CNTLN: variants seen among roughly 807,000 people sequenced by gnomAD.
CNTLN encodes the protein centlein, centrosomal protein.
CNTLN carries 212 observed loss-of-function variants against 180.0 expected under a neutral mutation model. The ratio of observed to expected loss-of-function variants is 1.18; its 90% CI spans 1.05 to 1.32. The LOEUF is 1.32. Ranked by LOEUF, CNTLN falls within the 40% of genes most tolerant of loss-of-function variation. CNTLN has a pLI of 0.00. For synonymous variants in CNTLN, 722 were observed against 563.1 expected (o/e 1.28, Z -3.99); for missense variants, 2,095 against 1,610.9 (o/e 1.30, Z -5.14).
rs1022458719 is a variant in CNTLN, at chr9:17,196,669, A to G, written c.450-29534A>G. ...AATTAAATTAATATTTTTAATGTTT[A>G]TATATTTTATATGTAATAATACATT... On this transcript the variant is annotated intron_variant, in intron 2 of 25. Transcript: ENST00000380647. Among the ~76,000 whole-genome samples the G allele has an allele frequency of 1.3e-5, 2 of 150,844 alleles. 1 individual carries two copies. The highest frequency in any genetic ancestry group is 4.8e-5 in the African/African-American group (2 of 41,256).
chr9:17,284,676 A>G (rs1047670423), intron 6 of CNTLN, among the ~76,000 whole-genome samples: 2 of 151,924 alleles, frequency 1.3e-5, no homozygotes, highest in Non-Finnish European at 2.9e-5. Flanking sequence ...CTTGCAGTCT[A>G]TCCATTTTAT....
intron 3 of CNTLN, among the ~76,000 whole-genome samples, chr9:17,233,865 T>C (rs1218003307): frequency 6.6e-6 from 1 of 152,132 alleles, no homozygotes; most frequent in Non-Finnish European, 1.5e-5. Context: ...ATATCTGTCT[T>C]TGAACTATAA....
intron 23 of CNTLN, among the ~76,000 whole-genome samples, 156 bp downstream of exon 23, chr9:17,467,047 C>T (rs1441482215): frequency 1.3e-5 from 2 of 151,520 alleles, no homozygotes; most frequent in African/African-American, 4.8e-5. Flanking sequence ...ATAATTCCTC[C>T]ATAAAGAATT....
chr9:17,149,152 C>CT (rs959853458), intron 2 of CNTLN, among the ~76,000 whole-genome samples: 8 of 152,086 alleles, frequency 5.3e-5, no homozygotes, highest in African/African-American at 1.9e-4. Context: ...TAAACTCATC[C>CT]TTTTTTATGT....
intron 25 of CNTLN, among the ~76,000 whole-genome samples, chr9:17,489,446 T>C (rs1314224245): frequency 6.6e-6 from 1 of 152,136 alleles, no homozygotes; most frequent in African/African-American, 2.4e-5. Flanking sequence ...AAAACCTCTC[T>C]TTTATGTCCT....
chr9:17,394,052 A>G (rs942250174), intron 14 of CNTLN, among the ~76,000 whole-genome samples: 9 of 152,176 alleles, frequency 5.9e-5, no homozygotes, highest in Non-Finnish European at 1.2e-4. Context: ...GGACCACATG[A>G]CTACTAAAAT....
chr9:17,143,226 T>A (rs2131438420), intron 1 of CNTLN, 62 bp from the exon 2 acceptor site: 1 of 1,120,246 alleles, frequency 8.9e-7, no homozygotes, highest in East Asian at 2.4e-5. Flanking sequence ...AAATTTAATG[T>A]AGTATCTTAT....
the CNTLN span, among the ~76,000 whole-genome samples, chr9:17,526,754 T>C: frequency 7.1e-6 from 1 of 141,450 alleles, no homozygotes; most frequent in African/African-American, 2.5e-5. Context: ...AATTAATTAA[T>C]TTAGCTCTAG....
rs759252740 is a variant in CNTLN at position 17,135,441 on chromosome 9, G to GC, written c.360+17dup. The GC allele has an allele frequency of 1.9e-6, 3 of 1,582,894 alleles. No homozygotes were observed. The highest frequency in any genetic ancestry group is 2.6e-6 in the Non-Finnish European group (3 of 1,166,642). On this transcript the variant is annotated intron_variant, in intron 1 of 25. Coordinates refer to ENST00000380647, the MANE Select transcript of CNTLN (RefSeq NM_017738.4). ...CCTGTGTCAGGTATCGAGGAGTCTC[G>GC]CAGTCCCCCTTTCCCCACCACAGCG... is the stretch of plus-strand genomic sequence containing the variant.
chr9:17,420,381 C>G (rs1167368922), intron 18 of CNTLN, among the ~76,000 whole-genome samples: 1 of 152,112 alleles, frequency 6.6e-6, no homozygotes, highest in Non-Finnish European at 1.5e-5. Context: ...ACTAACAATG[C>G]TTTAAATTTA....
chr9:17,298,081 A>C, intron 6 of CNTLN, 109 bp from the exon 7 acceptor site: 1 of 871,574 alleles, frequency 1.1e-6, no homozygotes. Flanking sequence ...TGCAGTACAA[A>C]TAACAGATGC....
chr9:17,229,600 G>C (rs1160005561), intron 3 of CNTLN, among the ~76,000 whole-genome samples: 1 of 152,038 alleles, frequency 6.6e-6, no homozygotes, highest in Non-Finnish European at 1.5e-5. Flanking sequence ...GTATTTTCTT[G>C]GGGCCTTCAA....
intron 19 of CNTLN, among the ~76,000 whole-genome samples, chr9:17,459,409 A>G (rs1831324733): frequency 6.6e-6 from 1 of 151,888 alleles, no homozygotes; most frequent in Non-Finnish European, 1.5e-5. Flanking sequence ...CCATAATCTA[A>G]CATAGAGTCT....
chr9:17,177,974 C>T (rs1196932859), intron 2 of CNTLN, among the ~76,000 whole-genome samples: 1 of 152,044 alleles, frequency 6.6e-6, no homozygotes, highest in African/African-American at 2.4e-5. Context: ...AATCCCTGAG[C>T]TAGACACAAA....
chr9:17,220,715 C>A (rs1186501410), intron 2 of CNTLN, among the ~76,000 whole-genome samples: 1 of 152,110 alleles, frequency 6.6e-6, no homozygotes, highest in Non-Finnish European at 1.5e-5. Flanking sequence ...TCTCTACCTG[C>A]ATTAGTTTTC....
At chr9:17,475,648 G>T (rs1832294106) in intron 23 of CNTLN, among the ~76,000 whole-genome samples, 1 of 151,946 alleles carries the variant, frequency 6.6e-6, no homozygotes, top group Non-Finnish European at 1.5e-5. Flanking sequence ...CGAGGTGGGT[G>T]GATCACGAGG....
intron 2 of CNTLN, among the ~76,000 whole-genome samples, chr9:17,225,355 A>G (rs571650810): frequency 3.3e-4 from 50 of 152,230 alleles, no homozygotes; most frequent in African/African-American, 1.1e-3. Flanking sequence ...TCTGGGGGAC[A>G]GCAAATAGTA....
intron 13 of CNTLN, among the ~76,000 whole-genome samples, chr9:17,375,477 T>C (rs527952719): frequency 6.6e-6 from 1 of 152,302 alleles, no homozygotes; most frequent in East Asian, 1.9e-4. Flanking sequence ...ATTGCCTGTG[T>C]ATCACATGTC....
At chr9:17,177,900 A>T (rs984264466) in intron 2 of CNTLN, among the ~76,000 whole-genome samples, 2 of 152,130 alleles carry the variant, frequency 1.3e-5, no homozygotes, top group African/African-American at 4.8e-5. Context: ...TTATTCTCTT[A>T]TCTGGCCCCA....
Sources: allele counts gnomAD v4.1 joint callset (sites outside exome capture counted in the v4.1 genomes callset), GRCh38; gene constraint gnomAD v4.1.1; transcripts MANE v1.5; gene names NCBI Gene and HGNC (gene_info 2026-07-23, HGNC 2026-07-21).